MYO3B: variants seen among roughly 807,000 people sequenced by gnomAD.
The protein encoded by MYO3B is myosin IIIB, also known as myosin-IIIb.
In MYO3B, 156 loss-of-function variants were observed where a neutral mutation model predicts 174.6. The observed-to-expected ratio is 0.89, with a 90% confidence interval of 0.78 to 1.02. The LOEUF (loss-of-function observed/expected upper bound fraction) is 1.02. MYO3B is among the 50% of genes least tolerant of loss of function. The pLI is 0.00. For synonymous variants in MYO3B, 563 were observed against 569.1 expected, an observed-to-expected ratio of 0.99 and a Z score of 0.15; for missense variants, 1,632 against 1,639.4, an observed-to-expected ratio of 1.00 and a Z score of 0.08.
chr2:170,413,506 T>C (rs2094558695), intron 22 of MYO3B, among the ~76,000 whole-genome samples: 1 of 152,018 alleles, frequency 6.6e-6, no homozygotes. Context: ...AGAGCACAGC[T>C]TTAGGGTGAG....
Position 170,466,489 on chromosome 2 carries a change from AT to A in MYO3B, c.2809-12del. ...TTGGTGGTAACCTTGTTCCTTGTGC[AT>A]TTTTCTCCCTGGTAGTATTCTCTGA... On this transcript the variant is annotated splice_polypyrimidine_tract_variant and intron_variant, in intron 24 of 34. Transcript: ENST00000408978. The A allele has an allele frequency of 6.2e-7, 1 of 1,612,856 alleles. No homozygotes were observed.
At position 170,649,254 on chromosome 2, in the gene MYO3B, TA is replaced by T. The variant is rs1383801457; in HGVS notation, c.3734-2372del. On this transcript the variant is annotated intron_variant, in intron 32 of 34. Transcript: ENST00000408978. The stretch of plus-strand genomic sequence containing the variant: ...AAAATAATATATATTATATATAAAA[TA>T]ATATATAATATATTATATATAAAAT... Among the ~76,000 whole-genome samples, 6 of 75,126 alleles carry T rather than the reference TA, an allele frequency of 8.0e-5. 1 individual carries two copies. Among genetic ancestry groups the T allele is most frequent in the Admixed American group, 2.5e-4 (1 of 3,994 alleles). 49.3% of individuals were successfully genotyped at this position (75,126 alleles called of 152,430 possible).
At chr2:170,190,205 CTG>C (rs1046116971) in intron 1 of MYO3B, among the ~76,000 whole-genome samples, 8 of 151,860 alleles carry the variant, frequency 5.3e-5, no homozygotes, top group African/African-American at 1.7e-4. Flanking sequence ...AACAGAGTCT[CTG>C]TCTCTCTCTT....
intron 22 of MYO3B, among the ~76,000 whole-genome samples, chr2:170,442,315 G>A (rs1331492335): frequency 6.6e-6 from 1 of 152,018 alleles, no homozygotes; most frequent in African/African-American, 2.4e-5. Context: ...AGCCATAATA[G>A]CAGGTATGTA....
At chr2:170,401,394 C>A in intron 17 of MYO3B, 87 bp from the exon 18 acceptor site, 3 of 1,246,236 alleles carry the variant, frequency 2.4e-6, no homozygotes, top group Non-Finnish European at 3.5e-6. Context: ...TGGAGTCTGG[C>A]ACATAGTAGA....
intron 30 of MYO3B, among the ~76,000 whole-genome samples, chr2:170,533,583 C>T (rs1260016760): frequency 1.3e-5 from 2 of 152,106 alleles, no homozygotes; most frequent in African/African-American, 2.4e-5. Flanking sequence ...GTAGCTCAAC[C>T]CACAAGTTAC....
chr2:170,621,515 G>GCT (rs779282403), intron 32 of MYO3B, among the ~76,000 whole-genome samples: 194 of 144,760 alleles, frequency 1.3e-3, no homozygotes, highest in African/African-American at 4.5e-3. Context: ...TTGTTTTTTT[G>GCT]TTTTTTTGTT....
intron 32 of MYO3B, among the ~76,000 whole-genome samples, chr2:170,573,695 G>T (rs1692604313): frequency 6.6e-6 from 1 of 151,998 alleles, no homozygotes; most frequent in Non-Finnish European, 1.5e-5. Flanking sequence ...AATATTTCAA[G>T]GTAAGAAGTG....
intron 19 of MYO3B, 110 bp downstream of exon 19, chr2:170,403,105 G>T: frequency 1.9e-6 from 2 of 1,059,298 alleles, no homozygotes; most frequent in Non-Finnish European, 2.6e-6. Context: ...ACCCTAGAGA[G>T]AAAATAGGGT....
At chr2:170,285,364 T>C (rs1182397040) in intron 7 of MYO3B, among the ~76,000 whole-genome samples, 1 of 106,134 alleles carries the variant, frequency 9.4e-6, no homozygotes, top group East Asian at 3.5e-4. Flanking sequence ...CTTCTGTCAG[T>C]CTGTGACCTT....
At chr2:170,291,214 A>G (rs1014956468) in intron 7 of MYO3B, among the ~76,000 whole-genome samples, 1 of 152,094 alleles carries the variant, frequency 6.6e-6, no homozygotes, top group Non-Finnish European at 1.5e-5. Context: ...ACACCATTGC[A>G]CTCCAGCCTG....
chr2:170,322,063 A>G (rs921100750), intron 7 of MYO3B, among the ~76,000 whole-genome samples: 2 of 151,206 alleles, frequency 1.3e-5, no homozygotes, highest in African/African-American at 2.4e-5. Context: ...GCAGTGAGCC[A>G]AGATCACGCC....
chr2:170,400,892 G>A (rs913295601), intron 17 of MYO3B, among the ~76,000 whole-genome samples: 1 of 151,370 alleles, frequency 6.6e-6, no homozygotes, highest in Non-Finnish European at 1.5e-5. Context: ...GTGCAGTGGC[G>A]CTATCTCGGC....
At chr2:170,326,486 T>C (rs977984356) in intron 7 of MYO3B, among the ~76,000 whole-genome samples, 3 of 152,190 alleles carry the variant, frequency 2.0e-5, no homozygotes, top group Admixed American at 2.0e-4. Flanking sequence ...GAACTGATGA[T>C]ATTGCCGAGT....
chr2:170,344,774 G>A (rs2094003985), intron 8 of MYO3B: 1 of 152,170 alleles, frequency 6.6e-6, no homozygotes, highest in Non-Finnish European at 1.5e-5. Flanking sequence ...AGTATCAAAT[G>A]ACAGTGATGA....
rs575164554 is a variant in MYO3B at position 170,335,083 on chromosome 2, G to A, written c.750-302G>A. ...ACTAATAATCCTCAGCTCTGTTATAGTAGTTTGTGTGCTTGCCTCACCCCT... is the reference window on the plus strand; with the variant it reads ...ACTAATAATCCTCAGCTCTGTTATAATAGTTTGTGTGCTTGCCTCACCCCT... On this transcript the variant is annotated intron_variant, in intron 7 of 34. Transcript: ENST00000408978. Among the ~76,000 whole-genome samples the A allele has an allele frequency of 1.2e-4, 19 of 152,224 alleles. No homozygotes were observed. The East Asian group carries it at 3.7e-3, about 29-fold the overall frequency.
chr2:170,431,334 T>C (rs904000541), intron 22 of MYO3B, among the ~76,000 whole-genome samples: 2 of 152,218 alleles, frequency 1.3e-5, no homozygotes, highest in African/African-American at 4.8e-5. Context: ...ACAGAGCAAC[T>C]CCACTATTGA....
chr2:170,190,035 G>T (rs569831239), intron 1 of MYO3B, among the ~76,000 whole-genome samples: 1 of 152,306 alleles, frequency 6.6e-6, no homozygotes, highest in African/African-American at 2.4e-5. Flanking sequence ...TTTGGTCACA[G>T]CAGCAATATC....
At chr2:170,185,866 TG>T (rs1475985112) in intron 1 of MYO3B, among the ~76,000 whole-genome samples, 1 of 152,122 alleles carries the variant, frequency 6.6e-6, no homozygotes, top group Non-Finnish European at 1.5e-5. Flanking sequence ...TTCATTTTTT[TG>T]GGTTAATTCC....
Sources: allele counts gnomAD v4.1 joint callset (sites outside exome capture counted in the v4.1 genomes callset), GRCh38; gene constraint gnomAD v4.1.1; transcripts MANE v1.5; gene names NCBI Gene and HGNC (gene_info 2026-07-23, HGNC 2026-07-21).